Variants in LSP1 observed in about 807,000 individuals in gnomAD.
LSP1 encodes lymphocyte specific protein 1.
LSP1 carries 32 observed loss-of-function variants against 49.3 expected under a neutral mutation model. The observed-to-expected ratio is 0.65, with a 90% CI of 0.49 to 0.87. The LOEUF (loss-of-function observed/expected upper bound fraction) is 0.87, where lower values mean the gene tolerates loss of function less well. LSP1 is among the 40% of genes least tolerant of loss of function. The probability of loss-of-function intolerance (pLI) is 0.00; values close to 1 mark genes in which losing one functional copy is unlikely to be tolerated. For synonymous variants in LSP1, 179 were observed against 178.8 expected (o/e 1.00, Z -0.01); for missense variants, 428 against 442.6 (o/e 0.97, Z 0.30).
chr11:1,882,460 G>A (rs1848583463), intron 3 of LSP1, among the ~76,000 whole-genome samples: 1 of 152,198 alleles, frequency 6.6e-6, no homozygotes, highest in African/African-American at 2.4e-5. Flanking sequence ...CACTCCCCAA[G>A]AACCACTGGT....
intron 1 of LSP1, among the ~76,000 whole-genome samples, chr11:1,853,421 C>T (rs926334856): frequency 6.6e-6 from 1 of 152,226 alleles, no homozygotes; most frequent in African/African-American, 2.4e-5. Flanking sequence ...TTCCGCCTGC[C>T]TCTGTGCCCT....
chr11:1,871,871 GGC>G (rs1264331369), intron 1 of LSP1, among the ~76,000 whole-genome samples: 18 of 146,894 alleles, frequency 1.2e-4, no homozygotes, highest in Admixed American at 2.0e-4. Context: ...TAGTCACCCT[GGC>G]GCACGCTGGT....
At chr11:1,865,100 G>A in intron 1 of LSP1, 1 of 641,922 alleles carries the variant, frequency 1.6e-6, no homozygotes, top group South Asian at 6.7e-5. Context: ...TGCGGGAGGA[G>A]GGCAGCAGAG....
intron 1 of LSP1, chr11:1,865,268 T>A (rs1172165184): frequency 3.1e-6 from 3 of 983,036 alleles, no homozygotes; most frequent in Non-Finnish European, 3.6e-6. Context: ...TTGAGGTAGG[T>A]CCCTCCTGCC....
intron 1 of LSP1, chr11:1,866,492 C>A (rs999950741): frequency 6.7e-6 from 10 of 1,493,970 alleles, no homozygotes; most frequent in Middle Eastern, 1.7e-4. Context: ...CGATCTGGTC[C>A]CCACCTGGCA....
intron 10 of LSP1, chr11:1,889,290 C>T (rs1382961147): frequency 1.1e-5 from 8 of 697,198 alleles, no homozygotes; most frequent in Admixed American, 6.3e-5. Context: ...GAAGGGCAGG[C>T]GGGTGAGGCT....
At chr11:1,864,008 C>T (rs373660139) in intron 1 of LSP1, among the ~76,000 whole-genome samples, 27 of 131,106 alleles carry the variant, frequency 2.1e-4, no homozygotes, top group East Asian at 2.6e-4. Context: ...GAGCAGAGGC[C>T]GGGAATGAAC....
intron 1 of LSP1, among the ~76,000 whole-genome samples, chr11:1,878,071 A>T (rs1848385977): frequency 6.6e-6 from 1 of 151,924 alleles, no homozygotes; most frequent in East Asian, 1.9e-4. Context: ...GCCCAGGTCC[A>T]AGGAGGAGCA....
chr11:1,884,884 A>C lies in LSP1; in HGVS notation c.717+303A>C, dbSNP rs1281532052. Among the ~76,000 whole-genome samples the C allele has an allele frequency of 6.6e-6, 1 of 151,900 alleles. No individual in the cohort carries two copies. The highest frequency in any genetic ancestry group is 1.5e-5 in the Non-Finnish European group (1 of 67,984). On this transcript the variant is annotated intron_variant, in intron 7 of 10. Coordinates refer to ENST00000311604, the MANE Select transcript of LSP1 (RefSeq NM_002339.3). The surrounding 1 kb of genome is among the most constrained non-coding windows in gnomAD (Gnocchi z 4.1). ...TCCTTTATACAACCAATACTCCTGC[A>C]ACCAATACTCCTCCAATTATTCAGT... is the stretch of plus-strand genomic sequence containing the variant.
At position 1,853,137 on chromosome 11, in the gene LSP1, A is replaced by G. The variant is rs936906276; in HGVS notation, c.-8A>G. 1.2e-6 allele frequency: 2 copies of G among 1,609,530 alleles called. No individual in the cohort carries two copies. The highest frequency in any genetic ancestry group is 1.7e-6 in the Non-Finnish European group (2 of 1,178,646). On this transcript the variant is annotated 5_prime_UTR_variant, in exon 1 of 11. Transcript: ENST00000311604. ...GCCAGCACCCTGTGGGGCCCAGACTACAGGCTGATGGCGGAGGCTTCGAGT... is the reference window on the plus strand; with the variant it reads ...GCCAGCACCCTGTGGGGCCCAGACTGCAGGCTGATGGCGGAGGCTTCGAGT...
At chr11:1,871,493 C>G (rs1848005335) in intron 1 of LSP1, 1 of 985,212 alleles carries the variant, frequency 1.0e-6, no homozygotes, top group Non-Finnish European at 1.2e-6. Flanking sequence ...TGAGGACGGT[C>G]CCTGACCCAG....
At chr11:1,872,719 C>A (rs1376452478) in intron 1 of LSP1, among the ~76,000 whole-genome samples, 1 of 108,694 alleles carries the variant, frequency 9.2e-6, no homozygotes, top group Non-Finnish European at 1.9e-5. Flanking sequence ...TCACCCTGGC[C>A]TGCGCTGGTA....
chr11:1,871,561 T>C, intron 1 of LSP1: 1 of 839,076 alleles, frequency 1.2e-6, no homozygotes, highest in Non-Finnish European at 1.4e-6. Flanking sequence ...CAGGCTCCAT[T>C]TTCCAGTCTC....
chr11:1,876,601 G>T lies in LSP1; in HGVS notation c.54-3486G>T, dbSNP rs572783102. ...AGGGGGCAGAGTCGGGACGGGGACC[G>T]AGCCGGACACCCATTCTGCAAGTGT... is the stretch of plus-strand genomic sequence containing the variant. On this transcript the variant is annotated intron_variant, in intron 1 of 10. Coordinates refer to ENST00000311604, the MANE Select transcript of LSP1 (RefSeq NM_002339.3). 370 of 985,464 alleles carry T rather than the reference G, an allele frequency of 3.8e-4. 1 individual carries two copies. Among genetic ancestry groups the T allele is most frequent in the Middle Eastern group, 1.0e-3 (2 of 1,942 alleles). The allele number at this position is 985,464 out of a possible 1,614,324, so 61.0% of individuals were successfully genotyped here.
Position 1,881,936 on chromosome 11 carries a change from G to A in LSP1, c.356+340G>A, listed in dbSNP as rs192183780. On this transcript the variant is annotated intron_variant, in intron 3 of 10. Transcript: ENST00000311604. ...CCCTGGGCCCCATCCAGGCAGCTGCGAGGCCAGGCCGGGTGCTGCCACATC... is the reference window on the plus strand; with the variant it reads ...CCCTGGGCCCCATCCAGGCAGCTGCAAGGCCAGGCCGGGTGCTGCCACATC... Among the ~76,000 whole-genome samples, 314 of 152,286 alleles carry A rather than the reference G, an allele frequency of 2.1e-3. 3 individuals carry two copies. The highest frequency in any genetic ancestry group is 3.0e-3 in the Non-Finnish European group (205 of 68,002).
intron 1 of LSP1, among the ~76,000 whole-genome samples, chr11:1,855,031 G>A (rs1301523993): frequency 6.6e-6 from 1 of 152,152 alleles, no homozygotes; most frequent in African/African-American, 2.4e-5. Flanking sequence ...CACCTGTGCC[G>A]GGGCTGTCAG....
intron 1 of LSP1, among the ~76,000 whole-genome samples, chr11:1,878,026 G>A (rs1848383634): frequency 6.6e-6 from 1 of 152,136 alleles, no homozygotes; most frequent in Non-Finnish European, 1.5e-5. Context: ...GAGGGGGTCT[G>A]TGGAGCTGGA....
intron 1 of LSP1, among the ~76,000 whole-genome samples, chr11:1,877,328 G>T (rs1313187120): frequency 6.6e-6 from 1 of 152,182 alleles, no homozygotes; most frequent in Non-Finnish European, 1.5e-5. Context: ...GGGCCCAGAG[G>T]CCTCCACGTC....
chr11:1,856,364 C>T (rs1194768738), intron 1 of LSP1, among the ~76,000 whole-genome samples: 1 of 152,268 alleles, frequency 6.6e-6, no homozygotes, highest in Non-Finnish European at 1.5e-5. Context: ...CCAGCTCTTC[C>T]CAGTTTTGGA....
Sources: gnomAD v4.1 joint callset for allele counts (sites outside exome capture counted in the v4.1 genomes callset) on GRCh38, gnomAD v4.1.1 for gene constraint, Gnocchi (gnomAD v3.1) non-coding constraint, MANE v1.5 for transcripts, NCBI Gene and HGNC (gene_info 2026-07-23, HGNC 2026-07-21) for gene names.